Variants in SPPL3 observed in about 807,000 individuals in gnomAD.
SPPL3 encodes the protein signal peptide peptidase like 3, also known as signal peptide peptidase-like 3.
In SPPL3, 5 loss-of-function variants were observed where a neutral mutation model predicts 42.4. The ratio of observed to expected loss-of-function variants is 0.12; its 90% confidence interval spans 0.06 to 0.25. The LOEUF (loss-of-function observed/expected upper bound fraction) is 0.25, where lower values mean the gene tolerates loss of function less well. Ranked by LOEUF, SPPL3 falls within the 10% of genes least tolerant of loss-of-function variation. The pLI is 1.00. For missense variants in SPPL3, 235 were observed against 489.0 expected, an observed-to-expected ratio of 0.48 and a Z score of 4.90; for synonymous variants, 195 against 181.8, an observed-to-expected ratio of 1.07 and a Z score of -0.58.
intron 2 of SPPL3, among the ~76,000 whole-genome samples, chr12:120,803,090 T>G (rs888836904): frequency 2.6e-5 from 4 of 152,222 alleles, no homozygotes; most frequent in African/African-American, 9.6e-5. Context: ...ACAGTTGCGA[T>G]TCACCTGAAC....
intron 1 of SPPL3, among the ~76,000 whole-genome samples, chr12:120,885,999 C>T (rs1350344270): frequency 1.3e-5 from 2 of 151,934 alleles, no homozygotes; most frequent in African/African-American, 4.8e-5. Flanking sequence ...GGATTACAGG[C>T]ATGTGCCACC....
chr12:120,774,348 T>C (rs1406623104), intron 6 of SPPL3, among the ~76,000 whole-genome samples: 3 of 152,196 alleles, frequency 2.0e-5, no homozygotes, highest in African/African-American at 7.2e-5. Context: ...TGCCTGAAGG[T>C]CACCAGGTTC....
In SPPL3 at chr12:120,904,117, G is replaced by A. The variant is rs1449556075; in HGVS notation, c.-250C>T. 9.8e-6 allele frequency: 3 copies of A among 306,986 alleles called. No homozygotes were observed. The highest frequency in any genetic ancestry group is 2.2e-5 in the African/African-American group (1 of 44,950). The allele number at this position is 306,986 out of a possible 1,614,324, so 19.0% of individuals were successfully genotyped here. The stretch of plus-strand genomic sequence containing the variant: ...GGCCTCCCTCACCCGCGGCGGCGGC[G>A]GCGGCTCCGCTGCAGCTCCAAACCC... On this transcript the variant is annotated 5_prime_UTR_variant, in exon 1 of 11. Coordinates refer to ENST00000353487, the MANE Select transcript of SPPL3 (RefSeq NM_139015.5).
chr12:120,814,388 C>T (rs372822307), intron 1 of SPPL3, among the ~76,000 whole-genome samples: 3 of 152,222 alleles, frequency 2.0e-5, no homozygotes, highest in African/African-American at 4.8e-5. Context: ...AATGATGCAG[C>T]TGTGGCTGTC....
At chr12:120,878,061 T>C (rs997985299) in intron 1 of SPPL3, among the ~76,000 whole-genome samples, 1 of 151,430 alleles carries the variant, frequency 6.6e-6, no homozygotes, top group Non-Finnish European at 1.5e-5. Flanking sequence ...AATAAAAATA[T>C]CAGAGTGAGA....
intron 1 of SPPL3, among the ~76,000 whole-genome samples, chr12:120,853,983 T>TACACACACACAC (rs58246859): frequency 0.012 from 1,558 of 130,282 alleles, 57 homozygotes; most frequent in African/African-American, 0.014. Context: ...CACGCACACA[T>TACACACACACAC]ACACACACAC....
chr12:120,818,661 A>G (rs1870957066), intron 1 of SPPL3, among the ~76,000 whole-genome samples: 1 of 152,190 alleles, frequency 6.6e-6, no homozygotes, highest in African/African-American at 2.4e-5. Flanking sequence ...CCAAGCAACT[A>G]CTATTCTAAC....
At chr12:120,842,665 T>C (rs75669101) in intron 1 of SPPL3, among the ~76,000 whole-genome samples, 2,548 of 152,130 alleles carry the variant, frequency 0.017, 38 homozygotes, top group Admixed American at 0.048. Context: ...CATGGTAGAA[T>C]AGGCTAACAA....
intron 1 of SPPL3, among the ~76,000 whole-genome samples, chr12:120,887,423 A>T (rs1593012321): frequency 6.6e-6 from 1 of 151,858 alleles, no homozygotes; most frequent in African/African-American, 2.4e-5. Flanking sequence ...ACATCAAGGC[A>T]CCCCTCACCG....
At chr12:120,780,933 A>G (rs974532209) in intron 6 of SPPL3, among the ~76,000 whole-genome samples, 1 of 152,144 alleles carries the variant, frequency 6.6e-6, no homozygotes, top group African/African-American at 2.4e-5. Context: ...TTTAAGGGAA[A>G]AACCAGGAAA....
At chr12:120,867,072 A>G (rs566847152) in intron 1 of SPPL3, among the ~76,000 whole-genome samples, 70 of 152,362 alleles carry the variant, frequency 4.6e-4, no homozygotes, top group Non-Finnish European at 9.1e-4. Flanking sequence ...CCTAAGATTT[A>G]GCAATTTCTA....
intron 1 of SPPL3, among the ~76,000 whole-genome samples, chr12:120,847,583 CA>C (rs1478752817): frequency 6.6e-6 from 1 of 152,016 alleles, no homozygotes; most frequent in Non-Finnish European, 1.5e-5. Context: ...CGTGAGTCAC[CA>C]AGTCTGGCCT....
Position 120,867,884 on chromosome 12 carries a change from A to AT in SPPL3, c.23+35960dup, listed in dbSNP as rs917642961. On this transcript the variant is annotated intron_variant, in intron 1 of 10. Transcript: ENST00000353487. The stretch of plus-strand genomic sequence containing the variant: ...TGCCTCAGCCTCCCGAGTAGCTGGG[A>AT]TTACAGGCACCTGCCACCACACCCA... Among the ~76,000 whole-genome samples, 14 of 151,846 alleles carry AT rather than the reference A, an allele frequency of 9.2e-5. No homozygotes were observed. In the East Asian group the frequency reaches 1.6e-3, roughly 17 times the overall value.
intron 1 of SPPL3, among the ~76,000 whole-genome samples, chr12:120,889,068 C>T (rs575932887): frequency 6.6e-6 from 1 of 152,210 alleles, no homozygotes; most frequent in African/African-American, 2.4e-5. Flanking sequence ...CCCACCTCAG[C>T]CTCCGGAAAT....
intron 1 of SPPL3, among the ~76,000 whole-genome samples, chr12:120,815,246 T>C (rs1451031715): frequency 1.3e-5 from 2 of 152,236 alleles, no homozygotes; most frequent in Non-Finnish European, 2.9e-5. Context: ...TCATCCGTAA[T>C]GAACTCAATG....
intron 1 of SPPL3, among the ~76,000 whole-genome samples, chr12:120,839,604 A>G (rs1376925244): frequency 6.6e-6 from 1 of 152,220 alleles, no homozygotes; most frequent in Non-Finnish European, 1.5e-5. Flanking sequence ...AGGAAATAGC[A>G]TACTAAAATT....
intron 1 of SPPL3, among the ~76,000 whole-genome samples, chr12:120,823,220 G>C (rs1871124098): frequency 1.1e-5 from 1 of 94,950 alleles, no homozygotes; most frequent in Admixed American, 1.2e-4. Flanking sequence ...GGGGGTGGGG[G>C]GTGGGGGGGC....
At chr12:120,847,213 C>T (rs903294351) in intron 1 of SPPL3, among the ~76,000 whole-genome samples, 3 of 152,102 alleles carry the variant, frequency 2.0e-5, no homozygotes, top group Non-Finnish European at 4.4e-5. Flanking sequence ...TCAATTTCAA[C>T]ACTAATTAGA....
chr12:120,850,926 T>C (rs1872201972), intron 1 of SPPL3, among the ~76,000 whole-genome samples: 1 of 152,222 alleles, frequency 6.6e-6, no homozygotes, highest in African/African-American at 2.4e-5. Flanking sequence ...TGTGTGATTA[T>C]ATTGGGCCAA....
Sources: gnomAD v4.1 joint callset for allele counts (sites outside exome capture counted in the v4.1 genomes callset) on GRCh38, gnomAD v4.1.1 for gene constraint, MANE v1.5 for transcripts, NCBI Gene and HGNC (gene_info 2026-07-23, HGNC 2026-07-21) for gene names.